Variants in PSMB2 observed in about 807,000 individuals in gnomAD.
PSMB2 encodes proteasome 20S subunit beta 2, also known as proteasome subunit beta type-2.
Under a neutral mutation model 25.7 loss-of-function variants are expected in PSMB2, and 13 were observed. That is an observed-to-expected ratio of 0.51 (90% CI 0.33 to 0.80). The LOEUF (loss-of-function observed/expected upper bound fraction) is 0.80, where lower values mean the gene tolerates loss of function less well. PSMB2 is among the 30% of genes least tolerant of loss of function. The pLI is 0.02. For missense variants in PSMB2, 202 were observed against 259.0 expected (o/e 0.78, Z 1.51); for synonymous variants, 87 against 96.2 (o/e 0.90, Z 0.56).
chr1:35,633,005 G>C (rs897097525), intron 2 of PSMB2, among the ~76,000 whole-genome samples: 1 of 151,904 alleles, frequency 6.6e-6, no homozygotes, highest in Non-Finnish European at 1.5e-5. Context: ...GGATCACCTG[G>C]GGACAGGAGT....
At chr1:35,632,012 T>C (rs1394369763) in intron 2 of PSMB2, among the ~76,000 whole-genome samples, 1 of 152,016 alleles carries the variant, frequency 6.6e-6, no homozygotes. Context: ...AGCAAGACCC[T>C]GTCTCTAAAA....
At chr1:35,634,676 G>A (rs1431175291) in intron 2 of PSMB2, among the ~76,000 whole-genome samples, 1 of 152,050 alleles carries the variant, frequency 6.6e-6, no homozygotes. Flanking sequence ...ACTGTGCCTG[G>A]CCAGGTTCAG....
chr1:35,619,885 A>T (rs1252602115), intron 3 of PSMB2, among the ~76,000 whole-genome samples: 1 of 152,228 alleles, frequency 6.6e-6, no homozygotes, highest in African/African-American at 2.4e-5. Context: ...TTCCCCCCAA[A>T]TAACGTCAAA....
chr1:35,604,962 T>C (rs1039457036), intron 5 of PSMB2, among the ~76,000 whole-genome samples: 1 of 152,180 alleles, frequency 6.6e-6, no homozygotes, highest in African/African-American at 2.4e-5. Flanking sequence ...TCCCAGGTGA[T>C]ACTTACACAC....
At chr1:35,632,923 A>AT (rs1651144068) in intron 2 of PSMB2, among the ~76,000 whole-genome samples, 1 of 151,388 alleles carries the variant, frequency 6.6e-6, no homozygotes, top group Non-Finnish European at 1.5e-5. Context: ...AATAATAATA[A>AT]TTTAAAAAAA....
intron 3 of PSMB2, among the ~76,000 whole-genome samples, chr1:35,616,678 C>T (rs959773330): frequency 1.3e-5 from 2 of 152,194 alleles, no homozygotes; most frequent in African/African-American, 4.8e-5. Flanking sequence ...AGATTACCAA[C>T]ACCTTAACTG....
At chr1:35,620,790 G>A (rs939341057) in intron 3 of PSMB2, among the ~76,000 whole-genome samples, 2 of 150,806 alleles carry the variant, frequency 1.3e-5, no homozygotes, top group African/African-American at 2.4e-5. Context: ...TTGGCCTCCC[G>A]AGTACCTAGG....
chr1:35,605,346 T>G, intron 4 of PSMB2, 64 bp from the exon 5 acceptor site: 1 of 1,506,846 alleles, frequency 6.6e-7, no homozygotes, highest in South Asian at 1.2e-5. Context: ...CTCAGAAGCT[T>G]TTGATTAAGT....
intron 3 of PSMB2, among the ~76,000 whole-genome samples, chr1:35,630,161 G>A (rs1281389042): frequency 1.3e-5 from 2 of 152,084 alleles, no homozygotes; most frequent in Non-Finnish European, 2.9e-5. Context: ...GGCAACAAGA[G>A]TGAAACTCCA....
chr1:35,613,103 T>C (rs1351263551), intron 3 of PSMB2, among the ~76,000 whole-genome samples: 1 of 152,246 alleles, frequency 6.6e-6, no homozygotes, highest in African/African-American at 2.4e-5. Context: ...ACTCACAAAT[T>C]ATTGTGTGAC....
At position 35,631,329 on chromosome 1, in the gene PSMB2, G is replaced by A. The variant is rs2148576541; in HGVS notation, c.230C>T (p.Pro77Leu). The part of the protein sequence containing the change: ...YKMRNGYELS[P>L]TAAANFTRRN... The stretch of plus-strand genomic sequence containing the variant: ...GCGTGTGAAGTTAGCTGCTGCCGTG[G>A]GAGACAATTCATATCCTGGTAGAAG... The change falls in exon 3 of 6, where the codon CCC becomes CTC. Residue 77 changes from proline to leucine, a missense_variant. Coordinates refer to ENST00000373237, the MANE Select transcript of PSMB2 (RefSeq NM_002794.5). 3 of 1,614,080 alleles carry A rather than the reference G, an allele frequency of 1.9e-6. No homozygotes were observed. In the East Asian group the frequency reaches 6.7e-5, roughly 36 times the overall value.
chr1:35,628,594 AAAATATATATATATATAT>A (rs1650964333), intron 3 of PSMB2, among the ~76,000 whole-genome samples: 1 of 12,518 alleles, frequency 8.0e-5, no homozygotes, highest in Non-Finnish European at 1.5e-4. Context: ...AAAAAAAAAA[AAAATATATATATATATAT>A]ATATATATAT....
At chr1:35,628,872 G>C (rs1650998699) in intron 3 of PSMB2, among the ~76,000 whole-genome samples, 1 of 151,554 alleles carries the variant, frequency 6.6e-6, no homozygotes, top group Non-Finnish European at 1.5e-5. Flanking sequence ...TCTGTAGTAA[G>C]TAACTTTAAA....
chr1:35,641,265 T>C (rs1404896012), intron 1 of PSMB2, 77 bp downstream of exon 1: 3 of 1,566,946 alleles, frequency 1.9e-6, no homozygotes, highest in Non-Finnish European at 2.6e-6. Context: ...TCCCTGGTAC[T>C]TATTCAACCC....
rs1342045686 is a variant in PSMB2, at chr1:35,628,610, T to A, written c.285+2664A>T. Among the ~76,000 whole-genome samples, 90 of 33,628 alleles carry A rather than the reference T, an allele frequency of 2.7e-3. 2 individuals carry two copies. The East Asian group carries it at 0.046, about 17-fold the overall frequency. 22.1% of individuals were successfully genotyped at this position (33,628 alleles called of 152,430 possible). The stretch of plus-strand genomic sequence containing the variant: ...AAAAAAAAAAAAATATATATATATA[T>A]ATATATATATATATATATATATTTT... On this transcript the variant is annotated intron_variant, in intron 3 of 5. Coordinates refer to ENST00000373237, the MANE Select transcript of PSMB2 (RefSeq NM_002794.5).
intron 3 of PSMB2, among the ~76,000 whole-genome samples, chr1:35,628,578 G>GAAAAAA (rs67766222): frequency 1.5e-4 from 5 of 32,952 alleles, no homozygotes; most frequent in Admixed American, 7.6e-4. Flanking sequence ...TTTCTTGGAA[G>GAAAAAA]AAAAAAAAAA....
rs867329343 is a variant in PSMB2, at chr1:35,628,595, A to T, written c.285+2679T>A. On this transcript the variant is annotated intron_variant, in intron 3 of 5. Coordinates refer to ENST00000373237, the MANE Select transcript of PSMB2 (RefSeq NM_002794.5). ...TCTTGGAAGAAAAAAAAAAAAAAAA[A>T]AATATATATATATATATATATATAT... Among the ~76,000 whole-genome samples the T allele has an allele frequency of 9.1e-3, 110 of 12,032 alleles. 5 individuals carry two copies. The highest frequency in any genetic ancestry group is 0.027 in the African/African-American group (109 of 4,080). 7.9% of individuals were successfully genotyped at this position (12,032 alleles called of 152,430 possible).
intron 3 of PSMB2, among the ~76,000 whole-genome samples, chr1:35,625,048 G>A (rs1281949291): frequency 1.0e-5 from 1 of 99,012 alleles, no homozygotes; most frequent in Admixed American, 1.4e-4. Context: ...GTGACAGAGC[G>A]AAACTCCACC....
intron 3 of PSMB2, among the ~76,000 whole-genome samples, chr1:35,625,060 CA>C (rs5773505): frequency 7.5e-5 from 11 of 145,998 alleles, no homozygotes; most frequent in African/African-American, 1.8e-4. Context: ...AACTCCACCT[CA>C]AAAAAAAAAA....
Sources: allele counts gnomAD v4.1 joint callset (sites outside exome capture counted in the v4.1 genomes callset), GRCh38; gene constraint gnomAD v4.1.1; transcripts MANE v1.5; gene names NCBI Gene and HGNC (gene_info 2026-07-23, HGNC 2026-07-21).